Variants in SCMH1 observed in about 807,000 individuals in gnomAD.
The protein encoded by SCMH1 is polycomb protein SCMH1.
SCMH1 carries 37 observed loss-of-function variants against 70.8 expected under a neutral mutation model. That is an observed-to-expected ratio of 0.52 (90% CI 0.40 to 0.69). The LOEUF is 0.69. Among genes scored for constraint, SCMH1 ranks in the 30% least tolerant of loss-of-function variants. The probability of loss-of-function intolerance (pLI) is 0.00; values close to 1 mark genes in which losing one functional copy is unlikely to be tolerated. For missense variants in SCMH1, 607 were observed against 827.3 expected, an observed-to-expected ratio of 0.73 and a Z score of 3.27; for synonymous variants, 292 against 307.4, an observed-to-expected ratio of 0.95 and a Z score of 0.52.
In SCMH1 at chr1:41,189,133, C is replaced by T. The variant is rs143877522; in HGVS notation, c.-117-2883G>A. Among the ~76,000 whole-genome samples, 176 of 152,254 alleles carry T rather than the reference C, an allele frequency of 1.2e-3. 1 individual carries two copies. Among genetic ancestry groups the T allele is most frequent in the African/African-American group, 3.8e-3 (158 of 41,550 alleles). On this transcript the variant is annotated intron_variant, in intron 1 of 14. Transcript: ENST00000337495. The stretch of plus-strand genomic sequence containing the variant: ...CACTGATCAGCCACTCTCTCATTAA[C>T]AAGTTTTTTTTGTTGTTGTTGTTAC...
intron 2 of SCMH1, among the ~76,000 whole-genome samples, chr1:41,181,438 C>G (rs1187839724): frequency 6.6e-6 from 1 of 152,138 alleles, no homozygotes; most frequent in Non-Finnish European, 1.5e-5. Context: ...AAAATTTTTG[C>G]AATCTACTCA....
At chr1:41,186,771 A>C (rs566840030) in intron 1 of SCMH1, among the ~76,000 whole-genome samples, 14 of 152,328 alleles carry the variant, frequency 9.2e-5, no homozygotes, top group Admixed American at 8.5e-4. Context: ...TCACATAGAG[A>C]AAAATGCTAC....
In SCMH1 at chr1:41,103,200, C is replaced by T. The variant is rs370231865; in HGVS notation, c.745+10083G>A. On this transcript the variant is annotated intron_variant, in intron 8 of 14. Coordinates refer to ENST00000337495, the Ensembl canonical transcript of SCMH1. ...AGGTTGGAGTGCAGTGGCATGATCT[C>T]GGCTCACTGAAACCTCCACCTCCCA... Among the ~76,000 whole-genome samples the T allele has an allele frequency of 1.6e-3, 240 of 151,726 alleles. 1 individual carries two copies. The South Asian group carries it at 0.027, about 17-fold the overall frequency.
At chr1:41,095,951 G>C (rs1214313980) in intron 8 of SCMH1, among the ~76,000 whole-genome samples, 4 of 152,090 alleles carry the variant, frequency 2.6e-5, no homozygotes, top group Non-Finnish European at 5.9e-5. Context: ...CACAGAACAA[G>C]ATAGATAATA....
intron 1 of SCMH1, among the ~76,000 whole-genome samples, chr1:41,209,764 T>C (rs925512970): frequency 1.3e-5 from 2 of 152,250 alleles, no homozygotes; most frequent in African/African-American, 4.8e-5. Context: ...AATATCATAC[T>C]GAATGGGCCA....
chr1:41,045,137 C>T (rs1401083180), intron 12 of SCMH1, among the ~76,000 whole-genome samples: 1 of 152,188 alleles, frequency 6.6e-6, no homozygotes, highest in Non-Finnish European at 1.5e-5. Context: ...TGGACCAGCT[C>T]TACCATGCCC....
At chr1:41,185,813 TA>T (rs953942694) in intron 2 of SCMH1, among the ~76,000 whole-genome samples, 1 of 152,102 alleles carries the variant, frequency 6.6e-6, no homozygotes. Context: ...TTTGTATTTT[TA>T]GTAGAAATGG....
At chr1:41,153,000 T>C (rs1645201783) in intron 4 of SCMH1, among the ~76,000 whole-genome samples, 1 of 152,238 alleles carries the variant, frequency 6.6e-6, no homozygotes, top group South Asian at 2.1e-4. Flanking sequence ...AGTCAAGGTT[T>C]AAAGGCGTTA....
At chr1:41,227,109 T>C (rs752924785) in intron 1 of SCMH1, among the ~76,000 whole-genome samples, 5 of 152,368 alleles carry the variant, frequency 3.3e-5, no homozygotes, top group Non-Finnish European at 5.9e-5. Flanking sequence ...TGCACTGATA[T>C]ACAAATGACA....
At chr1:41,053,122 A>G (rs1468897315) in intron 10 of SCMH1, among the ~76,000 whole-genome samples, 12 of 10,244 alleles carry the variant, frequency 1.2e-3, no homozygotes, top group East Asian at 0.016. Flanking sequence ...TTCACCATTG[A>G]TCTGCCCGCC....
intron 8 of SCMH1, among the ~76,000 whole-genome samples, chr1:41,079,505 A>G (rs945490573): frequency 3.3e-5 from 5 of 152,190 alleles, no homozygotes; most frequent in Non-Finnish European, 7.3e-5. Context: ...ATGAATAACC[A>G]ATTAACCAAC....
rs373390793 is a variant in SCMH1, at chr1:41,058,450, G to C, written c.1106-9560C>G. Among the ~76,000 whole-genome samples the C allele has an allele frequency of 1.2e-3, 145 of 123,530 alleles. 1 individual carries two copies. Among genetic ancestry groups the C allele is most frequent in the African/African-American group, 4.5e-3 (140 of 31,130 alleles). The allele number at this position is 123,530 out of a possible 152,430, so 81.0% of individuals were successfully genotyped here. On this transcript the variant is annotated intron_variant, in intron 10 of 14. Coordinates refer to ENST00000337495, the Ensembl canonical transcript of SCMH1. ...GGCTGGAGTGCAGTGGCACAATTTC[G>C]GCTCACTGCAACCTCCGCCTCCTGG... is the stretch of plus-strand genomic sequence containing the variant.
chr1:41,046,083 C>A (rs10489520), intron 12 of SCMH1, among the ~76,000 whole-genome samples: 16,474 of 151,712 alleles, frequency 0.11, 1,265 homozygotes, highest in East Asian at 0.28. Context: ...GCCAGGTTCA[C>A]ACTGGGAGAC....
At chr1:41,154,903 G>T (rs541416081) in intron 4 of SCMH1, among the ~76,000 whole-genome samples, 2 of 152,222 alleles carry the variant, frequency 1.3e-5, no homozygotes, top group Admixed American at 1.3e-4. Flanking sequence ...TATGACAGGG[G>T]TCCCTGCCCT....
chr1:41,235,656 A>G (rs1662241697), intron 1 of SCMH1, among the ~76,000 whole-genome samples: 1 of 151,752 alleles, frequency 6.6e-6, no homozygotes, highest in Non-Finnish European at 1.5e-5. Flanking sequence ...TATATCCACA[A>G]CTCAGTTGAA....
At chr1:41,062,376 G>T (rs561309363) in intron 10 of SCMH1, among the ~76,000 whole-genome samples, 87 of 152,056 alleles carry the variant, frequency 5.7e-4, no homozygotes, top group Non-Finnish European at 6.6e-4. Context: ...GGCCGAGGTG[G>T]GTGGATCACT....
chr1:41,115,711 T>C (rs1057005780), intron 7 of SCMH1, among the ~76,000 whole-genome samples: 1 of 152,238 alleles, frequency 6.6e-6, no homozygotes, highest in African/African-American at 2.4e-5. Context: ...AGTATCAAAG[T>C]CTTGCGTGAT....
chr1:41,127,817 G>C (rs1271651047), intron 6 of SCMH1, among the ~76,000 whole-genome samples: 1 of 152,012 alleles, frequency 6.6e-6, no homozygotes, highest in African/African-American at 2.4e-5. Context: ...TCCTTCTCCT[G>C]TGAGAACACA....
chr1:41,169,794 C>T (rs1646663041), intron 2 of SCMH1, among the ~76,000 whole-genome samples: 1 of 152,160 alleles, frequency 6.6e-6, no homozygotes, highest in African/African-American at 2.4e-5. Flanking sequence ...CAGCGATGTG[C>T]TTCTGCACCC....
Sources: gnomAD v4.1 joint callset for allele counts (sites outside exome capture counted in the v4.1 genomes callset) on GRCh38, gnomAD v4.1.1 for gene constraint, MANE v1.5 for transcripts, NCBI Gene and HGNC (gene_info 2026-07-23, HGNC 2026-07-21) for gene names.